Variants in PLEKHA2 observed in about 807,000 individuals in gnomAD.
The protein encoded by PLEKHA2 is pleckstrin homology domain-containing family A member 2.
A neutral mutation model predicts 53.2 loss-of-function variants in PLEKHA2; 28 were observed. The ratio of observed to expected loss-of-function variants is 0.53; its 90% CI spans 0.39 to 0.72. The LOEUF is 0.72. PLEKHA2 is among the 30% of genes least tolerant of loss of function. PLEKHA2 has a pLI of 0.00. For missense variants in PLEKHA2, 426 were observed against 537.9 expected (o/e 0.79, Z 2.06); for synonymous variants, 193 against 196.4 (o/e 0.98, Z 0.14).
chr8:38,903,520 ATGCAGGTTTTGGTTGG>A (rs1833824497), intron 1 of PLEKHA2, among the ~76,000 whole-genome samples: 1 of 152,196 alleles, frequency 6.6e-6, no homozygotes, highest in Non-Finnish European at 1.5e-5. Context: ...TCTTGAAGAC[ATGCAGGTTTTGGTTGG>A]TGCAGGTTTT....
At position 38,946,212 on chromosome 8, in the gene PLEKHA2, C is replaced by G; in HGVS notation, c.336C>G (p.Ser112Arg). 6.2e-7 allele frequency: 1 copy of G among 1,600,920 alleles called. No individual in the cohort carries two copies. Among genetic ancestry groups the G allele is most frequent in the Non-Finnish European group, 8.5e-7 (1 of 1,173,272 alleles). The change falls in exon 5 of 12, where the codon AGC becomes AGG. Residue 112 changes from serine (S) to arginine (R), a missense_variant. Physicochemically the swap from Ser to Arg is moderately radical, Grantham distance 110 (BLOSUM62 -1). Transcript: ENST00000617275. Reference sequence around the variant, plus strand: ...GGGTTGAAGCCCTGAACCAAGCCAGCAAGATCACCGTAAGTTTGGTTTCTT... The same window carrying G: ...GGGTTGAAGCCCTGAACCAAGCCAGGAAGATCACCGTAAGTTTGGTTTCTT... ...KDWVEALNQA[S>R]KITVPKGGGL...
chr8:38,966,995 G>T (rs1835150227), intron 10 of PLEKHA2, among the ~76,000 whole-genome samples: 1 of 118,224 alleles, frequency 8.5e-6, no homozygotes, highest in Non-Finnish European at 1.6e-5. Flanking sequence ...CACACCCTAT[G>T]TCCATGTGTA....
chr8:38,969,929 C>T lies in PLEKHA2; in HGVS notation c.*146C>T. ...GGATGCTCTTTGGGAGGGAGGGGCCCATCCAGCTGGGCTGTGTGTGTGTGT... is the reference window on the plus strand; with the variant it reads ...GGATGCTCTTTGGGAGGGAGGGGCCTATCCAGCTGGGCTGTGTGTGTGTGT... On this transcript the variant is annotated 3_prime_UTR_variant, in exon 12 of 12. Transcript: ENST00000617275. 14 of 1,115,998 alleles carry T rather than the reference C, an allele frequency of 1.3e-5. No homozygotes were observed. The South Asian group carries it at 2.2e-4, about 17-fold the overall frequency. The allele number at this position is 1,115,998 out of a possible 1,614,324, so 69.1% of individuals were successfully genotyped here. A position where few individuals can be genotyped will look rare whatever the true frequency, so the allele number is the denominator to read the frequency against.
At chr8:38,909,688 C>G (rs1833928271) in intron 1 of PLEKHA2, among the ~76,000 whole-genome samples, 1 of 152,162 alleles carries the variant, frequency 6.6e-6, no homozygotes, top group African/African-American at 2.4e-5. Context: ...ATTTCATTCT[C>G]TGGCAGGCAG....
At chr8:38,906,137 CT>C (rs1355187134) in intron 1 of PLEKHA2, among the ~76,000 whole-genome samples, 3 of 152,236 alleles carry the variant, frequency 2.0e-5, no homozygotes, top group Admixed American at 1.3e-4. Flanking sequence ...TGTGGGGAAA[CT>C]TTCACAATTC....
intron 3 of PLEKHA2, among the ~76,000 whole-genome samples, chr8:38,943,009 C>T (rs1391629039): frequency 6.6e-6 from 1 of 152,176 alleles, no homozygotes; most frequent in Non-Finnish European, 1.5e-5. Flanking sequence ...AGCGAGCAGC[C>T]TGCTGCTTCA....
chr8:38,961,478 A>C (rs1427340428), intron 10 of PLEKHA2, among the ~76,000 whole-genome samples: 1 of 151,710 alleles, frequency 6.6e-6, no homozygotes, highest in African/African-American at 2.4e-5. Flanking sequence ...CGGAGGTTGC[A>C]GTGAGCCGAG....
At chr8:38,950,607 G>A in intron 5 of PLEKHA2, 4 of 384,914 alleles carry the variant, frequency 1.0e-5, no homozygotes, top group Admixed American at 4.3e-5. Flanking sequence ...GCCAGGGAAG[G>A]GCTGGCTCAT....
chr8:38,918,099 C>A (rs966694476), intron 2 of PLEKHA2, 29 bp downstream of exon 2: 2 of 1,603,262 alleles, frequency 1.2e-6, no homozygotes, highest in Non-Finnish European at 1.7e-6. Context: ...AGGGGTGGGG[C>A]GACTGGGTGC....
chr8:38,922,487 C>T lies in PLEKHA2; in HGVS notation c.141+4417C>T, dbSNP rs1294629023. On this transcript the variant is annotated intron_variant, in intron 2 of 11. Transcript: ENST00000617275. This position sits in a 1 kb window ranked among gnomAD's most constrained non-coding sequence, Gnocchi z 4.0. ...GGAATGGAAGCTCTGCAGAGAGGGG[C>T]ATCCTGGGGATTTTGGTCCATTCCT... is the stretch of plus-strand genomic sequence containing the variant. Among the ~76,000 whole-genome samples the T allele has an allele frequency of 6.6e-6, 1 of 152,156 alleles. No individual in the cohort carries two copies. The highest frequency in any genetic ancestry group is 2.4e-5 in the African/African-American group (1 of 41,428).
At chr8:38,912,453 T>C (rs188443264) in intron 1 of PLEKHA2, among the ~76,000 whole-genome samples, 52 of 152,350 alleles carry the variant, frequency 3.4e-4, no homozygotes, top group Non-Finnish European at 5.7e-4. Flanking sequence ...TTCCCCCATC[T>C]AAGTACCAAT....
Position 38,969,941 on chromosome 8 carries a change from CTGTGTGTGTGTGTG to C in PLEKHA2, c.*182_*195del, listed in dbSNP as rs150722357. The C allele has an allele frequency of 1.6e-4, 115 of 697,802 alleles. 1 individual carries two copies. Among genetic ancestry groups the C allele is most frequent in the African/African-American group, 9.2e-4 (47 of 51,090 alleles). The allele number at this position is 697,802 out of a possible 1,614,324, so 43.2% of individuals were successfully genotyped here. A position where few individuals can be genotyped will look rare whatever the true frequency, so the allele number is the denominator to read the frequency against. Reference sequence around the variant, plus strand: ...GGAGGGAGGGGCCCATCCAGCTGGGCTGTGTGTGTGTGTGTGTGTGTGTGTGTGTGTGTGTGTAA... The same window carrying C: ...GGAGGGAGGGGCCCATCCAGCTGGGCTGTGTGTGTGTGTGTGTGTGTGTAA... On this transcript the variant is annotated 3_prime_UTR_variant, in exon 12 of 12. Coordinates refer to ENST00000617275, the MANE Select transcript of PLEKHA2 (RefSeq NM_021623.2).
intron 10 of PLEKHA2, among the ~76,000 whole-genome samples, chr8:38,962,717 T>A (rs1308710464): frequency 6.6e-6 from 1 of 152,178 alleles, no homozygotes; most frequent in Non-Finnish European, 1.5e-5. Flanking sequence ...TTATTCGAAA[T>A]GAGAAATGTG....
At chr8:38,918,107 T>G in intron 2 of PLEKHA2, 37 bp downstream of exon 2, 1 of 1,595,582 alleles carries the variant, frequency 6.3e-7, no homozygotes, top group Non-Finnish European at 8.5e-7. Flanking sequence ...GGCGACTGGG[T>G]GCCCATCACT....
chr8:38,960,025 G>T (rs778020253), intron 10 of PLEKHA2, among the ~76,000 whole-genome samples: 8 of 152,214 alleles, frequency 5.3e-5, no homozygotes, highest in Non-Finnish European at 1.2e-4. Flanking sequence ...TGCTGGTTGA[G>T]TTCAGGAGAG....
intron 11 of PLEKHA2, 37 bp from the exon 12 acceptor site, chr8:38,969,380 CCTAA>C: frequency 1.3e-6 from 2 of 1,589,336 alleles, no homozygotes; most frequent in Non-Finnish European, 1.7e-6. Context: ...TCTGAAAAGC[CCTAA>C]CTTTCTTTTG....
At chr8:38,906,527 C>T (rs1334977818) in intron 1 of PLEKHA2, among the ~76,000 whole-genome samples, 1 of 152,164 alleles carries the variant, frequency 6.6e-6, no homozygotes, top group Non-Finnish European at 1.5e-5. Flanking sequence ...CTGTCTGATC[C>T]GCCCCCCGCC....
At position 38,922,176 on chromosome 8, in the gene PLEKHA2, G is replaced by T. The variant is rs2152370157; in HGVS notation, c.141+4106G>T. ...GCCATTATTGCTGATAATGAGACAG[G>T]CGTCTAAGGGTGACTTGGAGGATGA... On this transcript the variant is annotated intron_variant, in intron 2 of 11. Transcript: ENST00000617275. The surrounding 1 kb of genome is among the most constrained non-coding windows in gnomAD (Gnocchi z 4.0). 6.6e-6 allele frequency among the ~76,000 whole-genome samples: 1 copy of T among 152,328 alleles called. No individual in the cohort carries two copies.
At position 38,970,264 on chromosome 8, in the gene PLEKHA2, T is replaced by C; in HGVS notation, c.*481T>C. The C allele has an allele frequency of 2.6e-6, 1 of 385,484 alleles. No individual in the cohort carries two copies. The highest frequency in any genetic ancestry group is 4.5e-6 in the Non-Finnish European group (1 of 220,048). 23.9% of individuals were successfully genotyped at this position (385,484 alleles called of 1,614,324 possible). Reference sequence around the variant, plus strand: ...AGTCTAATTTTAAGCGCTATGTGTTTTGTACCCTTGCAAACTTGCTTTCTC... The same window carrying C: ...AGTCTAATTTTAAGCGCTATGTGTTCTGTACCCTTGCAAACTTGCTTTCTC... On this transcript the variant is annotated 3_prime_UTR_variant, in exon 12 of 12. Coordinates refer to ENST00000617275, the MANE Select transcript of PLEKHA2 (RefSeq NM_021623.2).
Sources: gnomAD v4.1 joint callset for allele counts (sites outside exome capture counted in the v4.1 genomes callset) on GRCh38, gnomAD v4.1.1 for gene constraint, Gnocchi (gnomAD v3.1) non-coding constraint, MANE v1.5 for transcripts, NCBI Gene and HGNC (gene_info 2026-07-23, HGNC 2026-07-21) for gene names.